Variants in ARID1B observed in about 807,000 individuals in gnomAD.
ARID1B encodes AT-rich interactive domain-containing protein 1B.
Under a neutral mutation model 212.3 loss-of-function variants are expected in ARID1B, and 30 were observed. The ratio of observed to expected loss-of-function variants is 0.14; its 90% CI spans 0.11 to 0.19. The LOEUF (loss-of-function observed/expected upper bound fraction) is 0.19. ARID1B is among the 10% of genes least tolerant of loss of function. The probability of loss-of-function intolerance (pLI) is 1.00; values close to 1 mark genes in which losing one functional copy is unlikely to be tolerated. For synonymous variants in ARID1B, 1,402 were observed against 1,301.7 expected, an observed-to-expected ratio of 1.08 and a Z score of -1.66; for missense variants, 2,891 against 3,204.0, an observed-to-expected ratio of 0.90 and a Z score of 2.36.
intron 4 of ARID1B, among the ~76,000 whole-genome samples, chr6:157,017,595 T>C (rs1562552134): frequency 1.3e-5 from 2 of 152,222 alleles, no homozygotes; most frequent in Non-Finnish European, 2.9e-5. Context: ...GCAGTGCTAG[T>C]TGAAATTCTA....
chr6:156,898,798 C>T (rs745674478), intron 2 of ARID1B, among the ~76,000 whole-genome samples: 1 of 152,036 alleles, frequency 6.6e-6, no homozygotes, highest in Non-Finnish European at 1.5e-5. Context: ...ATGGAGAAAC[C>T]CTGTCTCTAC....
At chr6:157,016,531 C>A (rs866401507) in intron 4 of ARID1B, among the ~76,000 whole-genome samples, 1 of 152,180 alleles carries the variant, frequency 6.6e-6, no homozygotes. Context: ...AATATCGATT[C>A]CCAGCTGGGA....
At chr6:156,883,978 A>C (rs1049241180) in intron 2 of ARID1B, among the ~76,000 whole-genome samples, 5 of 152,156 alleles carry the variant, frequency 3.3e-5, no homozygotes, top group African/African-American at 1.2e-4. Context: ...ATAAAGTATC[A>C]CTTGGAACTG....
At chr6:156,859,051 T>C (rs1785141516) in intron 2 of ARID1B, among the ~76,000 whole-genome samples, 1 of 152,202 alleles carries the variant, frequency 6.6e-6, no homozygotes, top group African/African-American at 2.4e-5. Flanking sequence ...ATGATTATGC[T>C]ACAATATGAT....
At chr6:156,991,968 A>G (rs780070159) in intron 4 of ARID1B, among the ~76,000 whole-genome samples, 10 of 152,230 alleles carry the variant, frequency 6.6e-5, no homozygotes, top group African/African-American at 9.6e-5. Flanking sequence ...CAAAGAAAAC[A>G]TTTTTGAAAA....
intron 4 of ARID1B, among the ~76,000 whole-genome samples, chr6:156,962,552 C>A (rs1794458439): frequency 6.6e-6 from 1 of 152,172 alleles, no homozygotes; most frequent in African/African-American, 2.4e-5. Flanking sequence ...TTAATCACAG[C>A]ACAATCACAG....
In ARID1B at chr6:157,133,290, T is replaced by G. The variant is rs867028212; in HGVS notation, c.2761+83T>G. On this transcript the variant is annotated intron_variant, in intron 7 of 19. Coordinates refer to ENST00000636930, the MANE Select transcript of ARID1B (RefSeq NM_001374828.1). The stretch of plus-strand genomic sequence containing the variant: ...TGCTAGTCCTTCAAGATTTTAATAT[T>G]GTAAACATATCGTAAGATCCATTAT... 7 of 1,387,306 alleles carry G rather than the reference T, an allele frequency of 5.0e-6. No individual in the cohort carries two copies. The South Asian group carries it at 6.1e-5, about 12-fold the overall frequency. The allele number at this position is 1,387,306 out of a possible 1,614,324, so 85.9% of individuals were successfully genotyped here.
rs753669102 is a variant in ARID1B, at chr6:157,190,364, G to A, written c.4231+154G>A. Among the ~76,000 whole-genome samples, 4 of 152,264 alleles carry A rather than the reference G, an allele frequency of 2.6e-5. No individual in the cohort carries two copies. Among genetic ancestry groups the A allele is most frequent in the Non-Finnish European group, 5.9e-5 (4 of 68,044 alleles). On this transcript the variant is annotated intron_variant, in intron 15 of 19. Coordinates refer to ENST00000636930, the MANE Select transcript of ARID1B (RefSeq NM_001374828.1). This position sits in a 1 kb window ranked among gnomAD's most constrained non-coding sequence, Gnocchi z 4.6. ...CCATCCTACTCCACTTGTGGCCTTG[G>A]GAAAAGCAGTTAGCCTCTTTGTGCC...
intron 4 of ARID1B, among the ~76,000 whole-genome samples, chr6:157,034,375 GTCT>G (rs1781191006): frequency 6.6e-6 from 1 of 152,178 alleles, no homozygotes; most frequent in Non-Finnish European, 1.5e-5. Context: ...TCAATGCTGT[GTCT>G]TCCCAGTACA....
chr6:156,923,552 G>A (rs903992495), intron 3 of ARID1B, among the ~76,000 whole-genome samples: 10 of 152,106 alleles, frequency 6.6e-5, no homozygotes. Context: ...ACTTTATGGG[G>A]TCAGTGTGGA....
At chr6:157,053,837 G>T (rs377539203) in intron 4 of ARID1B, among the ~76,000 whole-genome samples, 1 of 152,174 alleles carries the variant, frequency 6.6e-6, no homozygotes, top group Non-Finnish European at 1.5e-5. Context: ...ACTTTGGGAG[G>T]CCGAGGCAGG....
intron 4 of ARID1B, among the ~76,000 whole-genome samples, chr6:157,008,242 C>G (rs1483168534): frequency 2.0e-5 from 3 of 152,138 alleles, no homozygotes; most frequent in Admixed American, 1.3e-4. Context: ...TGCTGTGTAG[C>G]CGTCACCACC....
At chr6:157,000,786 C>G (rs919640285) in intron 4 of ARID1B, among the ~76,000 whole-genome samples, 1 of 148,996 alleles carries the variant, frequency 6.7e-6, no homozygotes, top group Non-Finnish European at 1.5e-5. Flanking sequence ...CTCTGTCTCC[C>G]AGGTTCAAAC....
At chr6:156,948,335 C>T (rs56066055) in intron 4 of ARID1B, among the ~76,000 whole-genome samples, 3,789 of 152,198 alleles carry the variant, frequency 0.025, 151 homozygotes, top group African/African-American at 0.087. Flanking sequence ...ACCTCAGCCT[C>T]TCGAGTAGCT....
Position 157,110,497 on chromosome 6 carries a change from C to A in ARID1B, c.2517C>A (p.Pro839=). The change falls in exon 6 of 20, where the codon CCC becomes CCA. Residue 839 remains proline (P), a synonymous_variant. Transcript: ENST00000636930. ...GTAGTCAGATGCCTCCGCAGCCACC[C>A]GGGAGCCAGTCAGAATCCAGTTCCC... ...IPGSQMPPQP[P]GSQSESSSHP... 1 of 1,614,002 alleles carries A rather than the reference C, an allele frequency of 6.2e-7. No homozygotes were observed. Among genetic ancestry groups the A allele is most frequent in the Non-Finnish European group, 8.5e-7 (1 of 1,180,002 alleles).
chr6:157,168,589 A>G (rs1415735112), intron 9 of ARID1B: 3 of 152,202 alleles, frequency 2.0e-5, no homozygotes. Context: ...TAATATCAGC[A>G]GCGCTCATTT....
At chr6:157,138,279 A>G (rs1026820502) in intron 7 of ARID1B, among the ~76,000 whole-genome samples, 1 of 152,130 alleles carries the variant, frequency 6.6e-6, no homozygotes, top group Non-Finnish European at 1.5e-5. Context: ...TCTGTCACCC[A>G]GGCTGGAGTG....
At chr6:156,814,252 CA>C (rs1781810023) in intron 1 of ARID1B, among the ~76,000 whole-genome samples, 2 of 151,874 alleles carry the variant, frequency 1.3e-5, no homozygotes, top group Non-Finnish European at 2.9e-5. Context: ...CCCGTCTCTA[CA>C]AAAAATACAA....
chr6:157,082,761 G>T (rs1434706942), intron 4 of ARID1B, among the ~76,000 whole-genome samples: 1 of 152,206 alleles, frequency 6.6e-6, no homozygotes, highest in Non-Finnish European at 1.5e-5. Flanking sequence ...GCTGTTTGCA[G>T]TCTGCTCTGT....
Sources: allele counts gnomAD v4.1 joint callset (sites outside exome capture counted in the v4.1 genomes callset), GRCh38; gene constraint gnomAD v4.1.1; non-coding constraint Gnocchi (gnomAD v3.1); transcripts MANE v1.5; gene names NCBI Gene and HGNC (gene_info 2026-07-23, HGNC 2026-07-21).